The following ENOPH1 variants were observed in gnomAD, a reference collection of about 807,000 sequenced individuals.
The protein encoded by ENOPH1 is enolase-phosphatase 1, also known as enolase-phosphatase E1.
In ENOPH1, 14 loss-of-function variants were observed where a neutral mutation model predicts 31.1. The ratio of observed to expected loss-of-function variants is 0.45; its 90% CI spans 0.30 to 0.70. The LOEUF (loss-of-function observed/expected upper bound fraction) is 0.70. ENOPH1 is among the 30% of genes least tolerant of loss of function. The probability of loss-of-function intolerance (pLI) is 0.09; values close to 1 mark genes in which losing one functional copy is unlikely to be tolerated. For synonymous variants in ENOPH1, 127 were observed against 123.2 expected (o/e 1.03, Z -0.21); for missense variants, 243 against 321.5 (o/e 0.76, Z 1.87).
chr4:82,454,519 A>G (rs1472148896), intron 3 of ENOPH1, among the ~76,000 whole-genome samples: 1 of 152,136 alleles, frequency 6.6e-6, no homozygotes. Flanking sequence ...TCCTTTCCAC[A>G]TAGATTGTTG....
At chr4:82,432,535 G>A (rs991653621) in intron 1 of ENOPH1, among the ~76,000 whole-genome samples, 1 of 151,962 alleles carries the variant, frequency 6.6e-6, no homozygotes, top group African/African-American at 2.4e-5. Context: ...AGTAGAAGAG[G>A]GTTTCACCAG....
rs1444544201 is a variant in ENOPH1 at position 82,430,861 on chromosome 4, C to T, written c.32C>T (p.Thr11Ile). 1 of 1,614,186 alleles carries T rather than the reference C, an allele frequency of 6.2e-7. No homozygotes were observed. Among genetic ancestry groups the T allele is most frequent in the South Asian group, 1.1e-5 (1 of 91,082 alleles). The change falls in exon 1 of 6, where the codon ACC becomes ATC. Residue 11 changes from threonine to isoleucine, a missense_variant. Transcript: ENST00000273920. MVVLSVPAEVTVILLDIEGTT... is the reference protein window; with the variant it reads MVVLSVPAEVIVILLDIEGTT... ...GTGCTTTCGGTCCCCGCCGAAGTCA[C>T]CGTGATCCTGTTAGATATCGAAGGT...
chr4:82,459,886 C>A, intron 5 of ENOPH1, 95 bp from the exon 6 acceptor site: 1 of 1,413,084 alleles, frequency 7.1e-7, no homozygotes, highest in Non-Finnish European at 9.8e-7. Context: ...AAATTCATTT[C>A]TTCCATCCCC....
chr4:82,459,930 A>G (rs1412116254), intron 5 of ENOPH1, 51 bp from the exon 6 acceptor site: 4 of 1,601,092 alleles, frequency 2.5e-6, no homozygotes, highest in Non-Finnish European at 3.4e-6. Flanking sequence ...CAAATCTCAG[A>G]CATCATTTTT....
At chr4:82,458,809 A>C (rs1722567477) in intron 5 of ENOPH1, among the ~76,000 whole-genome samples, 1 of 152,136 alleles carries the variant, frequency 6.6e-6, no homozygotes, top group Non-Finnish European at 1.5e-5. Flanking sequence ...GCATCTGCAG[A>C]GGTGGTCTGA....
Position 82,460,212 on chromosome 4 carries a change from A to G in ENOPH1, c.*92A>G. On this transcript the variant is annotated 3_prime_UTR_variant, in exon 6 of 6. Coordinates refer to ENST00000273920, the MANE Select transcript of ENOPH1 (RefSeq NM_021204.5). ...AATGGTAAAAGTAACTTACTTAAAA[A>G]ACATATGTACACATATGTATGCAAG... is the stretch of plus-strand genomic sequence containing the variant. The G allele has an allele frequency of 2.9e-6, 4 of 1,361,776 alleles. No individual in the cohort carries two copies. The South Asian group carries it at 5.1e-5, about 17-fold the overall frequency. The allele number at this position is 1,361,776 out of a possible 1,614,324, so 84.4% of individuals were successfully genotyped here.
intron 5 of ENOPH1, 119 bp from the exon 6 acceptor site, chr4:82,459,862 A>G (rs1265066461): frequency 9.0e-7 from 1 of 1,108,898 alleles, no homozygotes; most frequent in African/African-American, 1.5e-5. Flanking sequence ...TTCAACAGTC[A>G]TCAAATCAGG....
chr4:82,460,041 C>G lies in ENOPH1; in HGVS notation c.707C>G (p.Ala236Gly). Residue 236 changes from alanine to glycine, a missense_variant, in exon 6 of 6, where the codon GCA (alanine) becomes GGA (glycine). Ala to Gly is a moderately conservative substitution (Grantham distance 60). Transcript: ENST00000273920. ...HVAVVVRPGN[A>G]GLTDDEKTYY... ...GCTGTGGTGGTGAGACCAGGCAACG[C>G]AGGATTAACAGATGATGAGAAGACT... 1 of 1,614,158 alleles carries G rather than the reference C, an allele frequency of 6.2e-7. No homozygotes were observed.
At chr4:82,432,626 C>T (rs982714685) in intron 1 of ENOPH1, among the ~76,000 whole-genome samples, 3 of 144,476 alleles carry the variant, frequency 2.1e-5, no homozygotes, top group African/African-American at 7.5e-5. Context: ...TGAACCATGG[C>T]ACCCGGCCTC....
rs1218097650 is a variant in ENOPH1 at position 82,460,163 on chromosome 4, C to G, written c.*43C>G. The G allele has an allele frequency of 2.5e-6, 4 of 1,607,038 alleles. No homozygotes were observed. Among genetic ancestry groups the G allele is most frequent in the Non-Finnish European group, 3.4e-6 (4 of 1,174,836 alleles). ...AGACCGCCCTGTTCCCCAGAGTTGT[C>G]CCTGTAGTGTCTAGGTTTATTCTAA... is the stretch of plus-strand genomic sequence containing the variant. On this transcript the variant is annotated 3_prime_UTR_variant, in exon 6 of 6. Transcript: ENST00000273920.
chr4:82,451,080 T>C lies in ENOPH1; in HGVS notation c.224T>C (p.Ile75Thr), dbSNP rs1349026103. 6.2e-7 allele frequency: 1 copy of C among 1,614,062 alleles called. No individual in the cohort carries two copies. Among genetic ancestry groups the C allele is most frequent in the Non-Finnish European group, 8.5e-7 (1 of 1,180,038 alleles). Residue 75 changes from isoleucine to threonine, a missense_variant, in exon 3 of 6, where the codon ATC becomes ACC. Physicochemically the swap from Ile to Thr is moderately conservative, Grantham distance 89. Coordinates refer to ENST00000273920, the MANE Select transcript of ENOPH1 (RefSeq NM_021204.5). ...EDAHLDGAVP[I>T]PAASGNGVDD... ...GCCCACCTGGATGGGGCTGTTCCTA[T>C]CCCTGCAGCATCTGGGAATGGAGTG...
chr4:82,451,361 A>G lies in ENOPH1; in HGVS notation c.389+116A>G, dbSNP rs537817801. 5.0e-5 allele frequency: 50 copies of G among 999,294 alleles called. No homozygotes were observed. In the African/African-American group the frequency reaches 8.1e-4, roughly 16 times the overall value. 61.9% of individuals were successfully genotyped at this position (999,294 alleles called of 1,614,324 possible). A position where few individuals can be genotyped will look rare whatever the true frequency, so the allele number is the denominator to read the frequency against. On this transcript the variant is annotated intron_variant, in intron 3 of 5. Coordinates refer to ENST00000273920, the MANE Select transcript of ENOPH1 (RefSeq NM_021204.5). Reference sequence around the variant, plus strand: ...ACTGGTAAAACAGATAAAAATCCACACTCTTTTTAGTCTAACAAGTGAGCT... The same window carrying G: ...ACTGGTAAAACAGATAAAAATCCACGCTCTTTTTAGTCTAACAAGTGAGCT...
In ENOPH1 at chr4:82,456,866, G is replaced by A. The variant is rs116456990; in HGVS notation, c.523-49G>A. 2,384 of 1,600,312 alleles carry A rather than the reference G, an allele frequency of 1.5e-3. 31 individuals carry two copies. The African/African-American group carries it at 0.029, about 19-fold the overall frequency. On this transcript the variant is annotated intron_variant, in intron 4 of 5. Transcript: ENST00000273920. ...TGTATTTCAGAGAAAGGCATGAGGGGCATGCAAGTGTATTTGTATTGCCAG... is the reference window on the plus strand; with the variant it reads ...TGTATTTCAGAGAAAGGCATGAGGGACATGCAAGTGTATTTGTATTGCCAG...
chr4:82,433,106 T>A (rs1394385602), intron 1 of ENOPH1, among the ~76,000 whole-genome samples: 5 of 152,262 alleles, frequency 3.3e-5, no homozygotes, highest in African/African-American at 4.8e-5. Flanking sequence ...TCTTGCTTTC[T>A]GCGGTCATCA....
At chr4:82,444,510 C>T (rs1340075842) in intron 1 of ENOPH1, among the ~76,000 whole-genome samples, 1 of 152,146 alleles carries the variant, frequency 6.6e-6, no homozygotes, top group East Asian at 1.9e-4. Context: ...ACGGTAACAA[C>T]AGTTTGATTT....
intron 1 of ENOPH1, among the ~76,000 whole-genome samples, chr4:82,433,367 C>A (rs185019542): frequency 9.9e-5 from 15 of 152,166 alleles, no homozygotes; most frequent in African/African-American, 3.6e-4. Context: ...GTCTTAGTTG[C>A]CTAAATAAAT....
At chr4:82,435,402 C>A (rs1247540266) in intron 1 of ENOPH1, among the ~76,000 whole-genome samples, 1 of 152,158 alleles carries the variant, frequency 6.6e-6, no homozygotes, top group African/African-American at 2.4e-5. Context: ...CCATGTCCAG[C>A]TAATTTTTAA....
chr4:82,458,210 AAT>A (rs762400846), intron 5 of ENOPH1, among the ~76,000 whole-genome samples: 1 of 152,146 alleles, frequency 6.6e-6, no homozygotes, highest in African/African-American at 2.4e-5. Context: ...AAACTAAGTT[AAT>A]ATCCCAAATA....
At position 82,430,869 on chromosome 4, in the gene ENOPH1, C is replaced by T. The variant is rs74519820; in HGVS notation, c.40C>T (p.Leu14=). 2.5e-6 allele frequency: 4 copies of T among 1,614,234 alleles called. No homozygotes were observed. Among genetic ancestry groups the T allele is most frequent in the Admixed American group, 3.3e-5 (2 of 60,036 alleles). ...LSVPAEVTVI[L]LDIEGTTTPI... ...GGTCCCCGCCGAAGTCACCGTGATC[C>T]TGTTAGATATCGAAGGTACCACAAC... is the stretch of plus-strand genomic sequence containing the variant. The change falls in exon 1 of 6, where the codon CTG becomes TTG. Residue 14 remains leucine (L), a synonymous_variant. Transcript: ENST00000273920.
Sources: gnomAD v4.1 joint callset for allele counts (sites outside exome capture counted in the v4.1 genomes callset) on GRCh38, gnomAD v4.1.1 for gene constraint, MANE v1.5 for transcripts, NCBI Gene and HGNC (gene_info 2026-07-23, HGNC 2026-07-21) for gene names.